The following PBX3 variants were observed in gnomAD, a reference collection of about 807,000 sequenced individuals.
PBX3 encodes pre-B-cell leukemia transcription factor 3.
PBX3 carries 14 observed loss-of-function variants against 48.5 expected under a neutral mutation model. The ratio of observed to expected loss-of-function variants is 0.29; its 90% CI spans 0.19 to 0.45. The LOEUF is 0.45. Among genes scored for constraint, PBX3 ranks in the 20% least tolerant of loss-of-function variants. The probability of loss-of-function intolerance (pLI) is 1.00; values close to 1 mark genes in which losing one functional copy is unlikely to be tolerated. For synonymous variants in PBX3, 210 were observed against 200.3 expected (o/e 1.05, Z -0.41); for missense variants, 386 against 546.7 (o/e 0.71, Z 2.93).
At chr9:125,768,959 A>G (rs1235955298) in intron 2 of PBX3, among the ~76,000 whole-genome samples, 2 of 152,202 alleles carry the variant, frequency 1.3e-5, no homozygotes, top group African/African-American at 4.8e-5. Flanking sequence ...TGAAATAACC[A>G]TAATTTGTTA....
At chr9:125,838,539 T>C (rs1224823053) in intron 2 of PBX3, among the ~76,000 whole-genome samples, 4 of 152,180 alleles carry the variant, frequency 2.6e-5, no homozygotes, top group African/African-American at 4.8e-5. Flanking sequence ...GGACTGTAAA[T>C]GGGAAATGAT....
chr9:125,946,295 T>TAAACA (rs1013315388), intron 5 of PBX3, among the ~76,000 whole-genome samples: 1 of 151,954 alleles, frequency 6.6e-6, no homozygotes, highest in African/African-American at 2.4e-5. Flanking sequence ...GTTGTTTCTA[T>TAAACA]AAACAAAACA....
At chr9:125,771,346 CA>C (rs1836936445) in intron 2 of PBX3, among the ~76,000 whole-genome samples, 2 of 152,122 alleles carry the variant, frequency 1.3e-5, no homozygotes, top group Non-Finnish European at 2.9e-5. Flanking sequence ...TAATTATAGG[CA>C]GATTTTTTAT....
At chr9:125,768,629 G>A (rs1836861474) in intron 2 of PBX3, among the ~76,000 whole-genome samples, 2 of 152,238 alleles carry the variant, frequency 1.3e-5, no homozygotes, top group South Asian at 4.1e-4. Flanking sequence ...TTAAATGTCA[G>A]ACTTAATGGA....
chr9:125,775,317 G>A (rs1484681135), intron 2 of PBX3, among the ~76,000 whole-genome samples: 1 of 152,094 alleles, frequency 6.6e-6, no homozygotes, highest in Non-Finnish European at 1.5e-5. Context: ...TTGGTCATTT[G>A]TCCTTGGAAA....
At chr9:125,876,612 T>G (rs1416277231) in intron 2 of PBX3, among the ~76,000 whole-genome samples, 2 of 152,332 alleles carry the variant, frequency 1.3e-5, no homozygotes, top group Non-Finnish European at 2.9e-5. Flanking sequence ...GTTAATCGAC[T>G]GTTTCTGTTA....
intron 1 of PBX3, chr9:125,748,274 C>G: frequency 9.3e-7 from 1 of 1,077,044 alleles, no homozygotes; most frequent in Non-Finnish European, 1.1e-6. Context: ...GCCCCCGGGG[C>G]GAGGCTCCCC....
At chr9:125,846,872 C>T (rs1186371747) in intron 2 of PBX3, among the ~76,000 whole-genome samples, 1 of 151,798 alleles carries the variant, frequency 6.6e-6, no homozygotes. Flanking sequence ...ATATCTTTTA[C>T]GTCTTTTTAA....
chr9:125,772,690 C>T (rs1836970688), intron 2 of PBX3, among the ~76,000 whole-genome samples: 1 of 152,190 alleles, frequency 6.6e-6, no homozygotes, highest in Non-Finnish European at 1.5e-5. Flanking sequence ...TGTACAGGAC[C>T]TAATGTGATA....
chr9:125,890,654 C>A (rs1413468869), intron 2 of PBX3, among the ~76,000 whole-genome samples: 1 of 152,134 alleles, frequency 6.6e-6, no homozygotes, highest in African/African-American at 2.4e-5. Flanking sequence ...TTTCTCTATT[C>A]TTTTTATACT....
At chr9:125,871,402 A>G (rs1374215305) in intron 2 of PBX3, among the ~76,000 whole-genome samples, 1 of 152,106 alleles carries the variant, frequency 6.6e-6, no homozygotes. Context: ...AAAAATCTAA[A>G]AAAACCCAGG....
At chr9:125,929,070 A>G (rs1775980489) in intron 3 of PBX3, among the ~76,000 whole-genome samples, 1 of 152,196 alleles carries the variant, frequency 6.6e-6, no homozygotes, top group Non-Finnish European at 1.5e-5. Flanking sequence ...TCCACCTTTC[A>G]AAGATGCTAC....
At chr9:125,757,479 A>T (rs544120898) in intron 2 of PBX3, among the ~76,000 whole-genome samples, 9 of 152,310 alleles carry the variant, frequency 5.9e-5, no homozygotes, top group African/African-American at 2.2e-4. Context: ...GGTCCAGATT[A>T]TTTATAATGT....
At chr9:125,955,316 GTGCCT>G (rs1281262906) in intron 5 of PBX3, among the ~76,000 whole-genome samples, 2 of 151,952 alleles carry the variant, frequency 1.3e-5, no homozygotes, top group African/African-American at 4.8e-5. Context: ...AGCCCTTCAG[GTGCCT>G]TGCTCCTGCT....
At chr9:125,918,793 C>T (rs1279046466) in intron 3 of PBX3, among the ~76,000 whole-genome samples, 1 of 152,164 alleles carries the variant, frequency 6.6e-6, no homozygotes, top group Non-Finnish European at 1.5e-5. Context: ...GACTGTAGTT[C>T]TCCAAAGTTA....
chr9:125,811,519 T>C (rs1046658031), intron 2 of PBX3, among the ~76,000 whole-genome samples: 2 of 152,210 alleles, frequency 1.3e-5, no homozygotes, highest in Non-Finnish European at 2.9e-5. Context: ...TTGGCTGTCA[T>C]TCTCTGTCTT....
chr9:125,946,357 T>C (rs571896604), intron 5 of PBX3, among the ~76,000 whole-genome samples: 1 of 151,902 alleles, frequency 6.6e-6, no homozygotes, highest in Admixed American at 6.6e-5. Flanking sequence ...GAAACAGATA[T>C]ACAAGACAAA....
intron 2 of PBX3, among the ~76,000 whole-genome samples, chr9:125,849,509 A>G (rs887096425): frequency 1.3e-5 from 2 of 151,978 alleles, no homozygotes; most frequent in Non-Finnish European, 2.9e-5. Flanking sequence ...AACCAAGAGT[A>G]GATGTTATTC....
intron 2 of PBX3, among the ~76,000 whole-genome samples, chr9:125,778,964 C>T (rs1014283976): frequency 1.5e-5 from 2 of 132,548 alleles, no homozygotes; most frequent in Non-Finnish European, 3.2e-5. Flanking sequence ...ATTACATTCA[C>T]GATGTTGTGC....
Sources: gnomAD v4.1 joint callset for allele counts (sites outside exome capture counted in the v4.1 genomes callset) on GRCh38, gnomAD v4.1.1 for gene constraint, MANE v1.5 for transcripts, NCBI Gene and HGNC (gene_info 2026-07-23, HGNC 2026-07-21) for gene names.